Variants in ITGB1 observed in about 807,000 individuals in gnomAD.
ITGB1 encodes the protein integrin subunit beta 1, also known as integrin beta-1.
Under a neutral mutation model 86.5 loss-of-function variants are expected in ITGB1, and 24 were observed. The observed-to-expected ratio is 0.28, with a 90% CI of 0.20 to 0.39. The LOEUF (loss-of-function observed/expected upper bound fraction) is 0.39, where lower values mean the gene tolerates loss of function less well. ITGB1 is among the 10% of genes least tolerant of loss of function. The pLI is 1.00. For missense variants in ITGB1, 556 were observed against 946.9 expected, an observed-to-expected ratio of 0.59 and a Z score of 5.42; for synonymous variants, 323 against 316.8, an observed-to-expected ratio of 1.02 and a Z score of -0.21.
At position 32,901,501 on chromosome 10, in the gene ITGB1, A is replaced by C. The variant is rs929636055; in HGVS notation, c.*69T>G. 2 of 986,346 alleles carry C rather than the reference A, an allele frequency of 2.0e-6. No homozygotes were observed. Among genetic ancestry groups the C allele is most frequent in the Non-Finnish European group, 3.1e-6 (2 of 641,988 alleles). The allele number at this position is 986,346 out of a possible 1,614,324, so 61.1% of individuals were successfully genotyped here. On this transcript the variant is annotated 3_prime_UTR_variant, in exon 16 of 16. Transcript: ENST00000302278. Reference sequence around the variant, plus strand: ...TAAAACCATGGCAATATTGCCCTAAAGCTACCTAACTGTGACTATGGAAAT... The same window carrying C: ...TAAAACCATGGCAATATTGCCCTAACGCTACCTAACTGTGACTATGGAAAT...
At chr10:32,919,739 C>G (rs2094942786) in intron 11 of ITGB1, 146 bp downstream of exon 11, 2 of 608,370 alleles carry the variant, frequency 3.3e-6, no homozygotes, top group Non-Finnish European at 5.8e-6. Context: ...ACAAGATCAT[C>G]AAACTGATCT....
chr10:32,941,849 A>G (rs1335737523), intron 1 of ITGB1, among the ~76,000 whole-genome samples: 1 of 152,208 alleles, frequency 6.6e-6, no homozygotes, highest in East Asian at 1.9e-4. Context: ...TAGAATAATC[A>G]TCACTTTAAA....
At chr10:32,916,487 C>CA (rs1230243074) in intron 11 of ITGB1, among the ~76,000 whole-genome samples, 1 of 152,208 alleles carries the variant, frequency 6.6e-6, no homozygotes, top group Non-Finnish European at 1.5e-5. Context: ...GCAACTTCAG[C>CA]AAAGTCTCAG....
intron 1 of ITGB1, among the ~76,000 whole-genome samples, chr10:32,945,391 G>C (rs1344500696): frequency 1.3e-5 from 2 of 152,144 alleles, no homozygotes; most frequent in Non-Finnish European, 2.9e-5. Flanking sequence ...GAGGTCAGGA[G>C]ATCGAGACCA....
Position 32,947,432 on chromosome 10 carries a change from CGTGT to C in ITGB1, c.-1+10709_-1+10712del, listed in dbSNP as rs1186872641. ...TAAAGCCAGGTGATTCACATATAGC[CGTGT>C]GTGTGTGTGTGTGTGTGTGTGTGTG... On this transcript the variant is annotated intron_variant, in intron 1 of 15. Transcript: ENST00000302278. 4.9e-3 allele frequency among the ~76,000 whole-genome samples: 679 copies of C among 137,360 alleles called. 12 individuals carry two copies. Among genetic ancestry groups the C allele is most frequent in the African/African-American group, 0.017 (641 of 36,744 alleles). The allele number at this position is 137,360 out of a possible 152,430, so 90.1% of individuals were successfully genotyped here. A position where few individuals can be genotyped will look rare whatever the true frequency, so the allele number is the denominator to read the frequency against.
At chr10:32,947,593 T>C (rs1304693918) in intron 1 of ITGB1, among the ~76,000 whole-genome samples, 7 of 152,208 alleles carry the variant, frequency 4.6e-5, no homozygotes, top group African/African-American at 1.7e-4. Flanking sequence ...CCTTATAAAT[T>C]GTCATCTTCT....
At chr10:32,908,761 A>C (rs1593853528) in intron 14 of ITGB1, among the ~76,000 whole-genome samples, 1 of 149,362 alleles carries the variant, frequency 6.7e-6, no homozygotes. Flanking sequence ...TATTGAAAAT[A>C]TAAGTTTTTA....
intron 15 of ITGB1, among the ~76,000 whole-genome samples, chr10:32,905,626 C>CT (rs1284266983): frequency 6.6e-6 from 1 of 152,216 alleles, no homozygotes; most frequent in East Asian, 1.9e-4. Flanking sequence ...TCTCAGCTCT[C>CT]TGACTAACCA....
At chr10:32,950,976 C>T (rs1201069176) in intron 1 of ITGB1, among the ~76,000 whole-genome samples, 3 of 152,024 alleles carry the variant, frequency 2.0e-5, no homozygotes, top group Non-Finnish European at 4.4e-5. Context: ...TCTACAAGTG[C>T]AAGGGAAAGA....
At position 32,911,979 on chromosome 10, in the gene ITGB1, T is replaced by C. The variant is rs1477803925; in HGVS notation, c.1615A>G (p.Arg539Gly). 1 of 1,614,202 alleles carries C rather than the reference T, an allele frequency of 6.2e-7. No homozygotes were observed. The highest frequency in any genetic ancestry group is 1.1e-5 in the South Asian group (1 of 91,082). The change falls in exon 12 of 16, where the codon AGG becomes GGG. Residue 539 changes from arginine (R) to glycine (G), a missense_variant. By Grantham distance (125) the Arg-to-Gly change is moderately radical (BLOSUM62 -2). Transcript: ENST00000302278. Reference sequence around the variant, plus strand: ...ATTTCATTTGTATTATCCCTCTTCCTACAAACACACTGTCCGCAGACGCAC... The same window carrying C: ...ATTTCATTTGTATTATCCCTCTTCCCACAAACACACTGTCCGCAGACGCAC... Reference protein sequence around the residue: ...GECVCGQCVCRKRDNTNEIYS... With the variant: ...GECVCGQCVCGKRDNTNEIYS...
chr10:32,944,839 T>A, intron 1 of ITGB1: 1 of 1,144,694 alleles, frequency 8.7e-7, no homozygotes, highest in Non-Finnish European at 1.3e-6. Flanking sequence ...GCACTGATGA[T>A]CTGACTGGGG....
Position 32,932,542 on chromosome 10 carries a change from C to A in ITGB1, c.126G>T (p.Gly42=). ...AATTTGTGCACCACCCACAATTTGG[C>A]CCTGCTTGTATACATTCTCCACATG... ...AKSCGECIQA[G]PNCGWCTNST... Residue 42 remains glycine, a synonymous_variant, in exon 3 of 16, where the codon GGG becomes GGT. Coordinates refer to ENST00000302278, the MANE Select transcript of ITGB1 (RefSeq NM_002211.4). 6.2e-7 allele frequency: 1 copy of A among 1,609,950 alleles called. No individual in the cohort carries two copies. The highest frequency in any genetic ancestry group is 8.5e-7 in the Non-Finnish European group (1 of 1,176,418).
chr10:32,912,300 C>T (rs1302337076), intron 11 of ITGB1, among the ~76,000 whole-genome samples, 176 bp from the exon 12 acceptor site: 1 of 152,206 alleles, frequency 6.6e-6, no homozygotes, highest in Non-Finnish European at 1.5e-5. Context: ...GCTTGCTGGA[C>T]AGTAGGTGCA....
Position 32,912,157 on chromosome 10 carries a change from A to ATT in ITGB1, c.1470-34_1470-33insAA, listed in dbSNP as rs1286308544. The ATT allele has an allele frequency of 5.1e-6, 8 of 1,569,460 alleles. No homozygotes were observed. The African/African-American group carries it at 1.1e-4, about 21-fold the overall frequency. On this transcript the variant is annotated intron_variant, in intron 11 of 15. Coordinates refer to ENST00000302278, the MANE Select transcript of ITGB1 (RefSeq NM_002211.4). ...AACATGCCAAAATTGCAATCACACA[A>ATT]AACAAAAATAATTTAAGAGGTTCCA... is the stretch of plus-strand genomic sequence containing the variant.
intron 1 of ITGB1, among the ~76,000 whole-genome samples, chr10:32,952,010 C>A (rs976714728): frequency 6.6e-6 from 1 of 152,172 alleles, no homozygotes; most frequent in Non-Finnish European, 1.5e-5. Flanking sequence ...ATTTTGACCA[C>A]ATCTTTTGTC....
rs778198661 is a variant in ITGB1 at position 32,911,468 on chromosome 10, A to G, written c.1911T>C (p.Leu637=). 1.2e-6 allele frequency: 2 copies of G among 1,614,032 alleles called. No homozygotes were observed. The highest frequency in any genetic ancestry group is 1.7e-6 in the Non-Finnish European group (2 of 1,179,910). The change falls in exon 13 of 16, where the codon CTT becomes CTC. Residue 637 remains leucine (L), a synonymous_variant. Transcript: ENST00000302278. ...CTTACTTATGCTCAGCACAGACACC[A>G]AGGCAGGTCTGACACATCTCACACG... ...GQTCEMCQTC[L]GVCAEHKECV...
intron 9 of ITGB1, 139 bp from the exon 10 acceptor site, chr10:32,920,524 AAC>A (rs1184726732): frequency 7.5e-6 from 5 of 666,986 alleles, no homozygotes; most frequent in East Asian, 2.7e-5. Context: ...GTAACTAGAA[AAC>A]ACAGAGGCCA....
chr10:32,926,866 T>C (rs983738268), intron 5 of ITGB1, among the ~76,000 whole-genome samples: 1 of 152,164 alleles, frequency 6.6e-6, no homozygotes, highest in African/African-American at 2.4e-5. Context: ...CCTCACCAGA[T>C]GCTCAATCTG....
At chr10:32,911,737 A>C in intron 12 of ITGB1, 67 bp from the exon 13 acceptor site, 19 of 1,547,806 alleles carry the variant, frequency 1.2e-5, no homozygotes, top group Non-Finnish European at 1.7e-5. Flanking sequence ...CTGAAAAGTA[A>C]AATAAGCAAC....
Sources: gnomAD v4.1 joint callset for allele counts (sites outside exome capture counted in the v4.1 genomes callset) on GRCh38, gnomAD v4.1.1 for gene constraint, MANE v1.5 for transcripts, NCBI Gene and HGNC (gene_info 2026-07-23, HGNC 2026-07-21) for gene names.